KCNG2: variants seen among roughly 807,000 people sequenced by gnomAD.
The protein encoded by KCNG2 is voltage-gated potassium channel regulatory subunit KCNG2.
Under a neutral mutation model 12.3 loss-of-function variants are expected in KCNG2, and 7 were observed. The ratio of observed to expected loss-of-function variants is 0.57; its 90% confidence interval spans 0.32 to 1.07. The LOEUF (loss-of-function observed/expected upper bound fraction) is 1.07, where lower values mean the gene tolerates loss of function less well. KCNG2 is among the 50% of genes least tolerant of loss of function. The probability of loss-of-function intolerance (pLI) is 0.04; values close to 1 mark genes in which losing one functional copy is unlikely to be tolerated. For synonymous variants in KCNG2, 414 were observed against 351.4 expected, an observed-to-expected ratio of 1.18 and a Z score of -1.99; for missense variants, 703 against 726.0, an observed-to-expected ratio of 0.97 and a Z score of 0.36.
chr18:79,894,358 CATA>C (rs1568274327), intron 3 of KCNG2, among the ~76,000 whole-genome samples: 1,071 of 141,368 alleles, frequency 7.6e-3, no homozygotes, highest in South Asian at 0.01. Context: ...TCACTCCATT[CATA>C]ACGATTGATA....
At chr18:79,864,439 G>GC (rs1979375796) in intron 3 of KCNG2, 148 bp downstream of exon 3, 1 of 144,506 alleles carries the variant, frequency 6.9e-6, no homozygotes, top group South Asian at 2.2e-4. Context: ...ACTGGGGTGG[G>GC]CCGGGGCCGG....
chr18:79,881,748 T>C (rs1338625148), intron 3 of KCNG2, among the ~76,000 whole-genome samples: 1 of 152,180 alleles, frequency 6.6e-6, no homozygotes, highest in Non-Finnish European at 1.5e-5. Context: ...TACAAGCTGA[T>C]TGTAACATCT....
intron 3 of KCNG2, among the ~76,000 whole-genome samples, 196 bp downstream of exon 3, chr18:79,864,487 T>C (rs974300450): frequency 2.0e-5 from 3 of 151,958 alleles, no homozygotes; most frequent in Non-Finnish European, 1.5e-5. Flanking sequence ...CCGCTGATGG[T>C]GGTCTTGGCC....
rs184789335 is a variant in KCNG2, at chr18:79,849,639, C to G, written c.-114-6740C>G. On this transcript the variant is annotated intron_variant, in intron 1 of 3. Coordinates refer to ENST00000316249, the MANE Select transcript of KCNG2 (RefSeq NM_012283.2). ...GCTGTCGTGGTTTCTGAGGGCCCAG[C>G]GCGGACGCTTGCCTTTCTCTGCTGC... Among the ~76,000 whole-genome samples, 175 of 152,368 alleles carry G rather than the reference C, an allele frequency of 1.1e-3. 2 individuals carry two copies. Among genetic ancestry groups the G allele is most frequent in the African/African-American group, 4.0e-3 (167 of 41,588 alleles).
chr18:79,810,805 G>GTAAA (rs1161341518), intron 1 of KCNG2, among the ~76,000 whole-genome samples: 1 of 152,142 alleles, frequency 6.6e-6, no homozygotes, highest in Non-Finnish European at 1.5e-5. Context: ...AAAACTAGAA[G>GTAAA]TAAATATATG....
Position 79,843,964 on chromosome 18 carries a change from C to T in KCNG2, c.-114-12415C>T, listed in dbSNP as rs151191220. Reference sequence around the variant, plus strand: ...GAATGGATTTTAAAATAAAATCCAACCCTGTGCTGCCTACAAGAGACTTGG... The same window carrying T: ...GAATGGATTTTAAAATAAAATCCAATCCTGTGCTGCCTACAAGAGACTTGG... On this transcript the variant is annotated intron_variant, in intron 1 of 3. Coordinates refer to ENST00000316249, the MANE Select transcript of KCNG2 (RefSeq NM_012283.2). Among the ~76,000 whole-genome samples the T allele has an allele frequency of 2.0e-3, 297 of 152,240 alleles. 1 individual carries two copies. Among genetic ancestry groups the T allele is most frequent in the African/African-American group, 6.8e-3 (283 of 41,530 alleles).
intron 1 of KCNG2, among the ~76,000 whole-genome samples, chr18:79,811,801 G>A (rs73484385): frequency 3.2e-3 from 494 of 152,288 alleles, no homozygotes; most frequent in African/African-American, 0.011. Context: ...ATGAAATCAC[G>A]TAACTGAAAT....
intron 3 of KCNG2, among the ~76,000 whole-genome samples, chr18:79,865,338 G>T (rs1979440168): frequency 7.4e-6 from 1 of 135,650 alleles, no homozygotes; most frequent in African/African-American, 2.8e-5. Context: ...AGGTCTGGGT[G>T]CTGAGGTCTG....
At chr18:79,882,782 CGCGTGG>C (rs1568269740) in intron 3 of KCNG2, among the ~76,000 whole-genome samples, 2 of 141,332 alleles carry the variant, frequency 1.4e-5, no homozygotes, top group East Asian at 2.0e-4. Context: ...GGTACACCTG[CGCGTGG>C]AGCGCGGAGG....
At chr18:79,827,773 G>A (rs183635141) in intron 1 of KCNG2, among the ~76,000 whole-genome samples, 1 of 152,222 alleles carries the variant, frequency 6.6e-6, no homozygotes, top group African/African-American at 2.4e-5. Flanking sequence ...CTCTCCATGT[G>A]GCTCCATAGG....
In KCNG2 at chr18:79,834,129, G is replaced by C. The variant is rs182789493; in HGVS notation, c.-114-22250G>C. On this transcript the variant is annotated intron_variant, in intron 1 of 3. Coordinates refer to ENST00000316249, the MANE Select transcript of KCNG2 (RefSeq NM_012283.2). ...AAAGCGTGTCGAGGTCGGTATCAGT[G>C]AAGGTGAGCTGGTGACCTGCAGCAA... is the stretch of plus-strand genomic sequence containing the variant. Among the ~76,000 whole-genome samples the C allele has an allele frequency of 2.6e-5, 4 of 152,336 alleles. No homozygotes were observed. The East Asian group carries it at 7.7e-4, about 29-fold the overall frequency.
At chr18:79,811,240 T>C (rs1430562018) in intron 1 of KCNG2, among the ~76,000 whole-genome samples, 2 of 152,216 alleles carry the variant, frequency 1.3e-5, no homozygotes, top group South Asian at 2.1e-4. Flanking sequence ...CTAAAATTCA[T>C]ATGGAATTAC....
chr18:79,822,760 C>A lies in KCNG2; in HGVS notation c.-115+24746C>A, dbSNP rs935106470. On this transcript the variant is annotated intron_variant, in intron 1 of 3. Transcript: ENST00000316249. This position sits in a 1 kb window ranked among gnomAD's most constrained non-coding sequence, Gnocchi z 4.4. ...CGTGTGCTGTGCTCACCCCGAGAGA[C>A]TGGAGCCTGCTGCGTGTGGCTCTTC... Among the ~76,000 whole-genome samples, 24 of 152,220 alleles carry A rather than the reference C, an allele frequency of 1.6e-4. No homozygotes were observed. Among genetic ancestry groups the A allele is most frequent in the Non-Finnish European group, 5.9e-5 (4 of 68,036 alleles).
chr18:79,890,474 C>T (rs1322513199), intron 3 of KCNG2, among the ~76,000 whole-genome samples: 1 of 152,180 alleles, frequency 6.6e-6, no homozygotes, highest in East Asian at 1.9e-4. Context: ...GCCCCTTCCC[C>T]CTCCCCACTG....
intron 1 of KCNG2, among the ~76,000 whole-genome samples, chr18:79,828,790 A>T (rs1381038067): frequency 2.3e-5 from 2 of 85,126 alleles, no homozygotes; most frequent in Non-Finnish European, 4.6e-5. Flanking sequence ...CTGTGTGTGC[A>T]TGTGTCTGTG....
intron 3 of KCNG2, among the ~76,000 whole-genome samples, chr18:79,898,046 G>C (rs771805537): frequency 2.6e-5 from 4 of 152,008 alleles, no homozygotes; most frequent in Admixed American, 6.5e-5. Context: ...CTCATTCCCC[G>C]GCACCTTAGC....
intron 3 of KCNG2, among the ~76,000 whole-genome samples, chr18:79,883,956 G>A (rs1413999038): frequency 6.6e-6 from 1 of 152,114 alleles, no homozygotes; most frequent in Non-Finnish European, 1.5e-5. Flanking sequence ...CCGGCCCACT[G>A]ACCCCCAACT....
chr18:79,853,928 C>T (rs1168785936), intron 1 of KCNG2, among the ~76,000 whole-genome samples: 1 of 152,212 alleles, frequency 6.6e-6, no homozygotes, highest in Non-Finnish European at 1.5e-5. Context: ...AGGGGGCTTC[C>T]CCCTCTGGTT....
At chr18:79,807,491 G>A (rs547666670) in intron 1 of KCNG2, among the ~76,000 whole-genome samples, 1 of 152,316 alleles carries the variant, frequency 6.6e-6, no homozygotes, top group South Asian at 2.1e-4. Flanking sequence ...ACCCCACCGG[G>A]ATTTTTAGAA....
Sources: allele counts gnomAD v4.1 joint callset (sites outside exome capture counted in the v4.1 genomes callset), GRCh38; gene constraint gnomAD v4.1.1; non-coding constraint Gnocchi (gnomAD v3.1); transcripts MANE v1.5; gene names NCBI Gene and HGNC (gene_info 2026-07-23, HGNC 2026-07-21).